UVRAG: variants seen among roughly 807,000 people sequenced by gnomAD.
UVRAG encodes UV radiation resistance-associated gene protein.
A neutral mutation model predicts 78.0 loss-of-function variants in UVRAG; 19 were observed. That is an observed-to-expected ratio of 0.24 (90% CI 0.17 to 0.36). UVRAG has a LOEUF of 0.36. Ranked by LOEUF, UVRAG falls within the 10% of genes least tolerant of loss-of-function variation. UVRAG has a pLI of 1.00. For missense variants in UVRAG, 740 were observed against 853.8 expected (o/e 0.87, Z 1.66); for synonymous variants, 323 against 324.6 (o/e 1.00, Z 0.05).
chr11:75,992,562 G>A (rs886332550), intron 8 of UVRAG, among the ~76,000 whole-genome samples: 7 of 152,150 alleles, frequency 4.6e-5, no homozygotes, highest in Non-Finnish European at 1.0e-4. Flanking sequence ...TTTGTGGGCT[G>A]TGGTGATCGG....
chr11:76,037,573 C>T (rs1173922921), intron 12 of UVRAG, among the ~76,000 whole-genome samples: 1 of 146,638 alleles, frequency 6.8e-6, no homozygotes, highest in Non-Finnish European at 1.5e-5. Flanking sequence ...ATCAGCTGGG[C>T]GTGGTGGCAT....
At chr11:76,088,854 C>G (rs559294061) in intron 13 of UVRAG, among the ~76,000 whole-genome samples, 1 of 152,144 alleles carries the variant, frequency 6.6e-6, no homozygotes, top group Non-Finnish European at 1.5e-5. Context: ...AACAAGTAAT[C>G]GATCAAATAT....
chr11:76,077,329 A>G (rs1951422725), intron 13 of UVRAG, among the ~76,000 whole-genome samples: 1 of 151,946 alleles, frequency 6.6e-6, no homozygotes, highest in South Asian at 2.1e-4. Context: ...TTAAGTGTTC[A>G]TGTATTAATT....
At chr11:75,868,239 G>A (rs1202356728) in intron 3 of UVRAG, among the ~76,000 whole-genome samples, 1 of 152,202 alleles carries the variant, frequency 6.6e-6, no homozygotes, top group Non-Finnish European at 1.5e-5. Context: ...CAGGAATACT[G>A]TTACGGGACA....
intron 13 of UVRAG, among the ~76,000 whole-genome samples, chr11:76,089,357 T>C (rs1043905240): frequency 3.9e-5 from 6 of 152,210 alleles, no homozygotes; most frequent in African/African-American, 1.4e-4. Context: ...TTTCTAAGTG[T>C]TATTCTTTCA....
intron 12 of UVRAG, among the ~76,000 whole-genome samples, chr11:76,059,325 A>G (rs1343042275): frequency 1.3e-5 from 2 of 152,196 alleles, no homozygotes; most frequent in African/African-American, 4.8e-5. Flanking sequence ...TAGAAAAACT[A>G]TGTCTTTTCT....
chr11:76,136,396 G>A (rs1952597328), intron 14 of UVRAG, among the ~76,000 whole-genome samples: 1 of 152,028 alleles, frequency 6.6e-6, no homozygotes, highest in South Asian at 2.1e-4. Flanking sequence ...AGTCCATTCA[G>A]TGAAGCAACC....
intron 7 of UVRAG, among the ~76,000 whole-genome samples, chr11:75,980,666 GA>G (rs1398914793): frequency 6.6e-6 from 1 of 150,518 alleles, no homozygotes; most frequent in Non-Finnish European, 1.5e-5. Flanking sequence ...TTTTTTCCTT[GA>G]AGAGTCTGGC....
At chr11:75,885,371 G>C (rs1026695221) in intron 4 of UVRAG, among the ~76,000 whole-genome samples, 2 of 152,098 alleles carry the variant, frequency 1.3e-5, no homozygotes, top group Non-Finnish European at 2.9e-5. Context: ...TACCTCTTCA[G>C]TGTTTGGGTA....
intron 1 of UVRAG, among the ~76,000 whole-genome samples, chr11:75,844,468 G>T (rs1051636337): frequency 1.5e-4 from 23 of 151,908 alleles, no homozygotes; most frequent in African/African-American, 5.6e-4. Flanking sequence ...CTCGTGATCT[G>T]CCTGCCTCGG....
chr11:76,007,540 C>G lies in UVRAG; in HGVS notation c.918C>G (p.Leu306=). 1 of 1,612,718 alleles carries G rather than the reference C, an allele frequency of 6.2e-7. No homozygotes were observed. Among genetic ancestry groups the G allele is most frequent in the Non-Finnish European group, 8.5e-7 (1 of 1,179,276 alleles). Reference sequence around the variant, plus strand: ...TTTTTTCTTTCCTCATTAGAGAACTCTTCTTGAAGACTAATGCTCAGTTGA... The same window carrying G: ...TTTTTTCTTTCCTCATTAGAGAACTGTTCTTGAAGACTAATGCTCAGTTGA... ...LRKECTAKRE[L]FLKTNAQLTI... The change falls in exon 10 of 15, where the codon CTC becomes CTG. Residue 306 remains leucine (L), a synonymous_variant. Transcript: ENST00000356136.
At chr11:75,828,754 C>CACAT (rs1307953123) in intron 1 of UVRAG, among the ~76,000 whole-genome samples, 85 of 78,376 alleles carry the variant, frequency 1.1e-3, no homozygotes, top group East Asian at 2.5e-3. Context: ...TATACACACA[C>CACAT]ATATATATAT....
intron 12 of UVRAG, among the ~76,000 whole-genome samples, chr11:76,017,728 G>A (rs541071231): frequency 2.0e-5 from 3 of 152,250 alleles, no homozygotes; most frequent in South Asian, 2.1e-4. Flanking sequence ...AGATGGTGAT[G>A]CAGTGACATT....
chr11:76,053,926 C>T (rs565740469), intron 12 of UVRAG, among the ~76,000 whole-genome samples: 21 of 148,484 alleles, frequency 1.4e-4, no homozygotes, highest in African/African-American at 4.7e-4. Flanking sequence ...GCCGAGATTG[C>T]GCCACTGCAC....
Position 76,141,806 on chromosome 11 carries a change from G to GT in UVRAG, c.*396dup, listed in dbSNP as rs1206184888. ...CTCATAAGCATTTGCCCTCACCATGGTTTATAAAACTTTGGGAAAACGGAA... is the reference window on the plus strand; with the variant it reads ...CTCATAAGCATTTGCCCTCACCATGGTTTTATAAAACTTTGGGAAAACGGAA... On this transcript the variant is annotated 3_prime_UTR_variant, in exon 15 of 15. Transcript: ENST00000356136. The GT allele has an allele frequency of 5.4e-6, 1 of 184,748 alleles. No homozygotes were observed. The highest frequency in any genetic ancestry group is 2.4e-5 in the African/African-American group (1 of 41,916). The allele number at this position is 184,748 out of a possible 1,614,324, so 11.4% of individuals were successfully genotyped here. A position where few individuals can be genotyped will look rare whatever the true frequency, so the allele number is the denominator to read the frequency against.
chr11:76,083,185 A>T (rs1383973296), intron 13 of UVRAG, among the ~76,000 whole-genome samples: 1 of 152,236 alleles, frequency 6.6e-6, no homozygotes, highest in Non-Finnish European at 1.5e-5. Context: ...CCTAGTCTTC[A>T]CAATAACCTT....
intron 1 of UVRAG, among the ~76,000 whole-genome samples, chr11:75,823,255 T>C (rs1317837473): frequency 6.6e-6 from 1 of 152,236 alleles, no homozygotes; most frequent in Non-Finnish European, 1.5e-5. Context: ...ATAAGGTTAC[T>C]CTTCCTCCCC....
At chr11:75,980,808 A>G (rs530062070) in intron 7 of UVRAG, among the ~76,000 whole-genome samples, 2 of 151,662 alleles carry the variant, frequency 1.3e-5, no homozygotes, top group Middle Eastern at 3.4e-3. Flanking sequence ...CAGCCTCTCA[A>G]GTATCTGGGA....
chr11:76,108,403 A>G (rs1215778949), intron 13 of UVRAG, among the ~76,000 whole-genome samples: 1 of 152,208 alleles, frequency 6.6e-6, no homozygotes, highest in Non-Finnish European at 1.5e-5. Flanking sequence ...CTCAGCAGTA[A>G]AATCATACTA....
Sources: gnomAD v4.1 joint callset for allele counts (sites outside exome capture counted in the v4.1 genomes callset) on GRCh38, gnomAD v4.1.1 for gene constraint, MANE v1.5 for transcripts, NCBI Gene and HGNC (gene_info 2026-07-23, HGNC 2026-07-21) for gene names.